ARHGAP29: variants seen among roughly 807,000 people sequenced by gnomAD.
ARHGAP29 encodes the protein rho GTPase-activating protein 29.
ARHGAP29 carries 43 observed loss-of-function variants against 122.6 expected under a neutral mutation model. The ratio of observed to expected loss-of-function variants is 0.35; its 90% confidence interval spans 0.27 to 0.45. The LOEUF is 0.45. Ranked by LOEUF, ARHGAP29 falls within the 20% of genes least tolerant of loss-of-function variation. ARHGAP29 has a pLI of 1.00. For missense variants in ARHGAP29, 1,303 were observed against 1,477.2 expected (o/e 0.88, Z 1.93); for synonymous variants, 506 against 497.1 (o/e 1.02, Z -0.24).
intron 16 of ARHGAP29, 105 bp from the exon 17 acceptor site, chr1:94,185,586 A>G (rs1237751110): frequency 3.9e-6 from 4 of 1,026,906 alleles, no homozygotes; most frequent in Non-Finnish European, 5.2e-6. Flanking sequence ...TTCATATATT[A>G]TAAAAAGCTT....
intron 1 of ARHGAP29, among the ~76,000 whole-genome samples, chr1:94,264,087 T>C (rs1654662663): frequency 6.6e-6 from 1 of 152,202 alleles, no homozygotes; most frequent in Non-Finnish European, 1.5e-5. Flanking sequence ...TTTATAACTC[T>C]TCGTACGTAA....
chr1:94,307,098 G>A, the ARHGAP29 span, among the ~76,000 whole-genome samples: 2 of 152,112 alleles, frequency 1.3e-5, no homozygotes, highest in Non-Finnish European at 2.9e-5. Flanking sequence ...AGAAATAAAA[G>A]TACCTTCATT....
At chr1:94,210,188 A>T (rs1383634472) in intron 3 of ARHGAP29, among the ~76,000 whole-genome samples, 1 of 152,232 alleles carries the variant, frequency 6.6e-6, no homozygotes, top group African/African-American at 2.4e-5. Flanking sequence ...ATAAAGAGTA[A>T]CTGGTTCCCT....
the ARHGAP29 span, among the ~76,000 whole-genome samples, chr1:94,290,524 A>G: frequency 6.6e-6 from 1 of 152,186 alleles, no homozygotes; most frequent in East Asian, 1.9e-4. Context: ...TAGGGCATCA[A>G]TTTTAGATCT....
chr1:94,239,417 A>G (rs1467435205), upstream of ARHGAP29, among the ~76,000 whole-genome samples: 4 of 152,196 alleles, frequency 2.6e-5, no homozygotes, highest in African/African-American at 9.6e-5. Context: ...TGACAAAATC[A>G]TGAACAAGTT....
At chr1:94,196,249 T>A (rs987847780) in intron 12 of ARHGAP29, among the ~76,000 whole-genome samples, 2 of 56,194 alleles carry the variant, frequency 3.6e-5, no homozygotes, top group Non-Finnish European at 7.5e-5. Flanking sequence ...GATTTTTCCG[T>A]GTTTTTCTTT....
intron 20 of ARHGAP29, among the ~76,000 whole-genome samples, chr1:94,179,420 C>T (rs1295973347): frequency 6.6e-6 from 1 of 151,382 alleles, no homozygotes; most frequent in Non-Finnish European, 1.5e-5. Context: ...ATGTTGAAAC[C>T]CCATCTCTAC....
At chr1:94,300,589 A>T in the ARHGAP29 span, among the ~76,000 whole-genome samples, 8 of 152,274 alleles carry the variant, frequency 5.3e-5, no homozygotes, top group East Asian at 1.4e-3. Context: ...ACTAATCTCT[A>T]TTATCTTCAT....
intron 1 of ARHGAP29, among the ~76,000 whole-genome samples, chr1:94,236,375 A>G (rs867754278): frequency 6.6e-6 from 1 of 152,202 alleles, no homozygotes; most frequent in Admixed American, 6.5e-5. Flanking sequence ...TTTGCCAAAG[A>G]GCAAGTTCCT....
upstream of ARHGAP29, among the ~76,000 whole-genome samples, chr1:94,238,853 CAAAG>C (rs1304537440): frequency 5.9e-5 from 9 of 152,014 alleles, no homozygotes; most frequent in South Asian, 2.1e-4. Flanking sequence ...AACTCATTGA[CAAAG>C]AAAGAGAAGA....
rs1469873602 is a variant in ARHGAP29 at position 94,209,366 on chromosome 1, G to C, written c.341-16C>G. On this transcript the variant is annotated splice_polypyrimidine_tract_variant and intron_variant, in intron 3 of 22. Coordinates refer to ENST00000260526, the MANE Select transcript of ARHGAP29 (RefSeq NM_004815.4). The stretch of plus-strand genomic sequence containing the variant: ...AAGTTCACAGCTGTAAGGAAAAGTT[G>C]GTTACAATAAGGAAAAACATACTTT... 2 of 1,552,826 alleles carry C rather than the reference G, an allele frequency of 1.3e-6. No individual in the cohort carries two copies. Among genetic ancestry groups the C allele is most frequent in the Admixed American group, 3.8e-5 (2 of 52,056 alleles).
chr1:94,229,105 A>G (rs1158998907), intron 2 of ARHGAP29, among the ~76,000 whole-genome samples: 3 of 151,834 alleles, frequency 2.0e-5, no homozygotes, highest in Non-Finnish European at 4.4e-5. Flanking sequence ...TCTAAAAGAA[A>G]AACAGTGAAT....
upstream of ARHGAP29, among the ~76,000 whole-genome samples, chr1:94,238,881 T>C (rs552451520): frequency 2.0e-5 from 3 of 152,264 alleles, no homozygotes; most frequent in South Asian, 2.1e-4. Flanking sequence ...ACATCTTACA[T>C]AGACATATCT....
intron 3 of ARHGAP29, among the ~76,000 whole-genome samples, chr1:94,214,278 T>C (rs1651823507): frequency 6.6e-6 from 1 of 152,192 alleles, no homozygotes; most frequent in Non-Finnish European, 1.5e-5. Flanking sequence ...TCAATATCTA[T>C]CTGTACACAA....
chr1:94,231,660 A>T lies in ARHGAP29; in HGVS notation c.-32-17T>A, dbSNP rs1652926842. 2.6e-6 allele frequency: 4 copies of T among 1,562,286 alleles called. No homozygotes were observed. In the East Asian group the frequency reaches 6.7e-5, roughly 26 times the overall value. ...ACTGAAATCCTTAAGGGGGCAAGAA[A>T]CAAAACAAAAACAAGCGAGGAGAGA... On this transcript the variant is annotated splice_polypyrimidine_tract_variant and intron_variant, in intron 1 of 22. Coordinates refer to ENST00000260526, the MANE Select transcript of ARHGAP29 (RefSeq NM_004815.4).
intron 1 of ARHGAP29, among the ~76,000 whole-genome samples, chr1:94,255,527 C>G (rs1056289950): frequency 6.6e-6 from 1 of 152,198 alleles, no homozygotes; most frequent in African/African-American, 2.4e-5. Context: ...CTTCCCTTCC[C>G]TGTAGAAATG....
chr1:94,240,572 T>C (rs1653536073), upstream of ARHGAP29, among the ~76,000 whole-genome samples: 1 of 152,208 alleles, frequency 6.6e-6, no homozygotes, highest in African/African-American at 2.4e-5. Context: ...AAACCATCAG[T>C]ATATCTACCA....
At chr1:94,308,834 A>T in the ARHGAP29 span, among the ~76,000 whole-genome samples, 1 of 152,124 alleles carries the variant, frequency 6.6e-6, no homozygotes, top group African/African-American at 2.4e-5. Flanking sequence ...GTGCTCGTGG[A>T]CCACCCCTGA....
At chr1:94,216,741 A>G (rs1651974923) in intron 3 of ARHGAP29, among the ~76,000 whole-genome samples, 1 of 152,228 alleles carries the variant, frequency 6.6e-6, no homozygotes, top group Non-Finnish European at 1.5e-5. Flanking sequence ...TTTCATTTAT[A>G]TTAGAAATAA....
Sources: gnomAD v4.1 joint callset for allele counts (sites outside exome capture counted in the v4.1 genomes callset) on GRCh38, gnomAD v4.1.1 for gene constraint, MANE v1.5 for transcripts, NCBI Gene and HGNC (gene_info 2026-07-23, HGNC 2026-07-21) for gene names.